The following SLC71A2 variants were observed in gnomAD, a reference collection of about 807,000 sequenced individuals.
SLC71A2 encodes the protein hippocampus abundant transcript-like 1.
the SLC71A2 span, among the ~76,000 whole-genome samples, chr9:94,420,970 A>G: frequency 2.0e-5 from 3 of 152,282 alleles, no homozygotes; most frequent in African/African-American, 7.2e-5. Flanking sequence ...GAGGGTTCCT[A>G]TATTTCTGAG....
At chr9:94,421,102 G>A in the SLC71A2 span, among the ~76,000 whole-genome samples, 1 of 127,126 alleles carries the variant, frequency 7.9e-6, no homozygotes, top group Non-Finnish European at 1.7e-5. Flanking sequence ...TCCTACCCTC[G>A]CAATATAAAA....
the SLC71A2 span, chr9:94,415,054 C>T: frequency 5.1e-6 from 4 of 786,354 alleles, no homozygotes; most frequent in Admixed American, 9.2e-5. Context: ...AGAGGTAGGC[C>T]CTAAATTTTT....
chr9:94,439,337 C>T, the SLC71A2 span, among the ~76,000 whole-genome samples: 10 of 148,706 alleles, frequency 6.7e-5, no homozygotes, highest in South Asian at 4.2e-4. Context: ...TTGTATAAAT[C>T]GGGAGAGTAT....
the SLC71A2 span, among the ~76,000 whole-genome samples, chr9:94,440,363 C>T: frequency 6.6e-6 from 1 of 152,080 alleles, no homozygotes; most frequent in Admixed American, 6.5e-5. Context: ...CCATGTTAGC[C>T]AGGATGGTCT....
the SLC71A2 span, among the ~76,000 whole-genome samples, chr9:94,422,957 G>A: frequency 2.8e-5 from 4 of 143,460 alleles, no homozygotes; most frequent in African/African-American, 5.1e-5. Flanking sequence ...TTTTCTAGAT[G>A]GAGTCTTGCT....
At chr9:94,389,980 C>T in the SLC71A2 span, among the ~76,000 whole-genome samples, 5 of 151,946 alleles carry the variant, frequency 3.3e-5, no homozygotes, top group South Asian at 2.1e-4. Flanking sequence ...TTTGGGAGGC[C>T]GAGGTGGGTG....
the SLC71A2 span, among the ~76,000 whole-genome samples, chr9:94,379,715 CT>C: frequency 6.6e-6 from 1 of 152,038 alleles, no homozygotes; most frequent in African/African-American, 2.4e-5. Flanking sequence ...ATAACTTGTG[CT>C]TTGTCTTTCA....
the SLC71A2 span, chr9:94,460,213 G>GAA: frequency 2.6e-5 from 4 of 152,518 alleles, no homozygotes; most frequent in Non-Finnish European, 1.5e-5. Context: ...CTGCTTCTAA[G>GAA]AAAGTTATTA....
chr9:94,411,865 A>G, the SLC71A2 span, among the ~76,000 whole-genome samples: 2 of 152,166 alleles, frequency 1.3e-5, no homozygotes, highest in Admixed American at 6.5e-5. Flanking sequence ...TGCTGTGATT[A>G]TAGGTGTGAG....
At chr9:94,454,934 AGTTTT>A in the SLC71A2 span, among the ~76,000 whole-genome samples, 1,307 of 152,188 alleles carry the variant, frequency 8.6e-3, 13 homozygotes, top group Non-Finnish European at 0.011. Flanking sequence ...AGGAATCGTG[AGTTTT>A]GTTTTGTTAA....
chr9:94,385,004 G>C, the SLC71A2 span, among the ~76,000 whole-genome samples: 1 of 151,824 alleles, frequency 6.6e-6, no homozygotes, highest in African/African-American at 2.4e-5. Context: ...GCAGTGAGAA[G>C]GCACTGGCCA....
the SLC71A2 span, among the ~76,000 whole-genome samples, chr9:94,453,586 A>G: frequency 2.0e-5 from 3 of 152,210 alleles, no homozygotes; most frequent in Non-Finnish European, 4.4e-5. Flanking sequence ...ATATTCTGTA[A>G]ATGTTCAGCA....
chr9:94,446,870 C>T, the SLC71A2 span: 4 of 1,612,622 alleles, frequency 2.5e-6, no homozygotes, highest in East Asian at 4.5e-5. Context: ...TAATCTGCAT[C>T]ACCGTGTTTC....
the SLC71A2 span, among the ~76,000 whole-genome samples, chr9:94,379,112 G>GTTTTTTTTTTTTTTT: frequency 1.2e-5 from 1 of 82,442 alleles, no homozygotes; most frequent in African/African-American, 3.9e-5. Flanking sequence ...TTGAGACGGA[G>GTTTTTTTTTTTTTTT]TTTCACTGTT....
the SLC71A2 span, among the ~76,000 whole-genome samples, chr9:94,404,018 G>A: frequency 6.6e-6 from 1 of 152,192 alleles, no homozygotes; most frequent in Admixed American, 6.5e-5. Context: ...GCTTGTGGGA[G>A]AGGGCTCATC....
the SLC71A2 span, among the ~76,000 whole-genome samples, chr9:94,391,822 T>C: frequency 2.0e-5 from 3 of 151,718 alleles, no homozygotes; most frequent in African/African-American, 7.3e-5. Flanking sequence ...GAGGTTGCAG[T>C]GAGCCGAGAT....
At chr9:94,411,362 G>A in the SLC71A2 span, among the ~76,000 whole-genome samples, 1 of 147,194 alleles carries the variant, frequency 6.8e-6, no homozygotes, top group Non-Finnish European at 1.5e-5. Flanking sequence ...TACTTCTTAA[G>A]TGGTGGTATT....
chr9:94,402,960 A>G, the SLC71A2 span, among the ~76,000 whole-genome samples: 2 of 152,116 alleles, frequency 1.3e-5, no homozygotes, highest in African/African-American at 4.8e-5. Flanking sequence ...TGTACTCATT[A>G]CCACTATCTG....
chr9:94,418,483 C>T, the SLC71A2 span, among the ~76,000 whole-genome samples: 2 of 152,174 alleles, frequency 1.3e-5, no homozygotes, highest in South Asian at 4.1e-4. Flanking sequence ...TTCTCTGTCA[C>T]TCAGGCTGGA....
Sources: gnomAD v4.1 joint callset for allele counts (sites outside exome capture counted in the v4.1 genomes callset) on GRCh38, gnomAD v4.1.1 for gene constraint, MANE v1.5 for transcripts, NCBI Gene and HGNC (gene_info 2026-07-23, HGNC 2026-07-21) for gene names.